MSRB3: variants seen among roughly 807,000 people sequenced by gnomAD.
The protein encoded by MSRB3 is methionine sulfoxide reductase B3.
In MSRB3, 13 loss-of-function variants were observed where a neutral mutation model predicts 21.0. The ratio of observed to expected loss-of-function variants is 0.62; its 90% CI spans 0.40 to 0.98. The LOEUF is 0.98. MSRB3 is among the 50% of genes least tolerant of loss of function. The pLI, the probability that MSRB3 is intolerant of heterozygous loss-of-function variation, is 0.00. For synonymous variants in MSRB3, 87 were observed against 88.6 expected (o/e 0.98, Z 0.10); for missense variants, 199 against 230.3 (o/e 0.86, Z 0.88).
intron 1 of MSRB3, among the ~76,000 whole-genome samples, chr12:65,302,016 ATTAT>A (rs991854000): frequency 4.0e-4 from 61 of 152,230 alleles, no homozygotes; most frequent in African/African-American, 1.3e-3. Context: ...ATTTTTATAA[ATTAT>A]TTAAGCTTTC....
intron 2 of MSRB3, among the ~76,000 whole-genome samples, chr12:65,321,539 T>C (rs1229568616): frequency 2.0e-5 from 3 of 152,174 alleles, no homozygotes; most frequent in Non-Finnish European, 4.4e-5. Context: ...ATATGTCTAC[T>C]TTGAGAGAAA....
intron 6 of MSRB3, chr12:65,454,072 C>T: frequency 9.5e-6 from 6 of 630,078 alleles, no homozygotes; most frequent in Non-Finnish European, 1.7e-5. Context: ...TCACTTGAGG[C>T]CAGAAGTTCA....
At chr12:65,384,924 A>G (rs1879132683) in intron 5 of MSRB3, among the ~76,000 whole-genome samples, 1 of 152,170 alleles carries the variant, frequency 6.6e-6, no homozygotes, top group Non-Finnish European at 1.5e-5. Context: ...AAGTGCATAA[A>G]TAGGTGGCAT....
intron 1 of MSRB3, chr12:65,279,175 C>A: frequency 2.3e-6 from 2 of 871,522 alleles, no homozygotes; most frequent in Non-Finnish European, 3.1e-6. Context: ...GAGCCTCTCG[C>A]CCCGCGCGGG....
At chr12:65,375,143 C>T (rs1878539577) in intron 5 of MSRB3, among the ~76,000 whole-genome samples, 2 of 152,112 alleles carry the variant, frequency 1.3e-5, no homozygotes, top group African/African-American at 4.8e-5. Flanking sequence ...CCGCGCCCGG[C>T]CTATATCAAT....
At chr12:65,312,730 A>G (rs911028761) in intron 2 of MSRB3, among the ~76,000 whole-genome samples, 2 of 152,098 alleles carry the variant, frequency 1.3e-5, no homozygotes, top group African/African-American at 2.4e-5. Flanking sequence ...GTCATTGATT[A>G]TCATCTGTAT....
intron 5 of MSRB3, among the ~76,000 whole-genome samples, chr12:65,406,219 C>T (rs538878126): frequency 2.6e-5 from 4 of 152,172 alleles, no homozygotes; most frequent in Non-Finnish European, 5.9e-5. Context: ...ACATTTAAGT[C>T]TTTAATCCAG....
At position 65,453,791 on chromosome 12, in the gene MSRB3, A is replaced by G. The variant is rs369942269; in HGVS notation, c.356A>G (p.Tyr119Cys). ...ATCACATTCACAGATGACTTTTCCT[A>G]TGGGATGCACAGGGTGGAAACAAGC... ...EAITFTDDFS[Y>C]GMHRVETSCS... Residue 119 changes from tyrosine (Y) to cysteine (C), a missense_variant, in exon 6 of 7, where the codon TAT becomes TGT. Coordinates refer to ENST00000308259, the MANE Select transcript of MSRB3 (RefSeq NM_001031679.3). The G allele has an allele frequency of 3.3e-5, 54 of 1,613,882 alleles. No individual in the cohort carries two copies. The highest frequency in any genetic ancestry group is 3.3e-4 in the Middle Eastern group (2 of 6,084).
intron 5 of MSRB3, among the ~76,000 whole-genome samples, chr12:65,417,791 A>G (rs901412714): frequency 4.6e-5 from 7 of 152,158 alleles, no homozygotes; most frequent in Non-Finnish European, 8.8e-5. Context: ...AGGTTCTTCT[A>G]AGTTGTTCAA....
intron 5 of MSRB3, among the ~76,000 whole-genome samples, chr12:65,412,448 A>T (rs1480724181): frequency 6.6e-6 from 1 of 152,198 alleles, no homozygotes. Flanking sequence ...ATCATAGTTA[A>T]GTTGGGCTCA....
At chr12:65,405,513 C>T (rs1341322551) in intron 5 of MSRB3, among the ~76,000 whole-genome samples, 1 of 151,536 alleles carries the variant, frequency 6.6e-6, no homozygotes, top group Non-Finnish European at 1.5e-5. Flanking sequence ...AATTCCATTC[C>T]ATATCTTGGC....
chr12:65,435,739 G>A (rs962070964), intron 5 of MSRB3, among the ~76,000 whole-genome samples: 2 of 151,848 alleles, frequency 1.3e-5, no homozygotes, highest in Non-Finnish European at 1.5e-5. Flanking sequence ...ACTCTGAAAG[G>A]TAAAGGTCTT....
chr12:65,442,851 A>G (rs1285266227), intron 5 of MSRB3, among the ~76,000 whole-genome samples: 1 of 152,082 alleles, frequency 6.6e-6, no homozygotes, highest in Non-Finnish European at 1.5e-5. Context: ...AAGGTCTACA[A>G]CTGACTTCTG....
chr12:65,403,631 T>C (rs1880251403), intron 5 of MSRB3, among the ~76,000 whole-genome samples: 1 of 152,122 alleles, frequency 6.6e-6, no homozygotes, highest in Admixed American at 6.5e-5. Flanking sequence ...GTCTCATTCT[T>C]GTTCTGGGTG....
intron 4 of MSRB3, among the ~76,000 whole-genome samples, chr12:65,345,639 G>T (rs2136481480): frequency 6.6e-6 from 1 of 152,236 alleles, no homozygotes; most frequent in South Asian, 2.1e-4. Flanking sequence ...GTGCAGGTTT[G>T]TTACATATGT....
intron 5 of MSRB3, among the ~76,000 whole-genome samples, chr12:65,394,136 T>C (rs935050490): frequency 6.6e-6 from 1 of 152,190 alleles, no homozygotes; most frequent in African/African-American, 2.4e-5. Flanking sequence ...ATATATGAAT[T>C]AGATGCTTCT....
At chr12:65,453,236 T>C (rs1353519328) in intron 5 of MSRB3, among the ~76,000 whole-genome samples, 3 of 152,130 alleles carry the variant, frequency 2.0e-5, no homozygotes, top group African/African-American at 7.2e-5. Flanking sequence ...GACAACAGGA[T>C]AGTCGTTTTG....
intron 5 of MSRB3, among the ~76,000 whole-genome samples, chr12:65,396,704 A>AAAG (rs1555209338): frequency 5.5e-5 from 3 of 54,146 alleles, no homozygotes; most frequent in South Asian, 1.6e-3. Context: ...AAAAAAAAAA[A>AAAG]AAAGAAAGAA....
At chr12:65,344,875 A>G (rs1455265642) in intron 4 of MSRB3, among the ~76,000 whole-genome samples, 2 of 152,050 alleles carry the variant, frequency 1.3e-5, no homozygotes, top group African/African-American at 2.4e-5. Context: ...TTAGAACCAT[A>G]CATTCCAAGT....
Sources: allele counts gnomAD v4.1 joint callset (sites outside exome capture counted in the v4.1 genomes callset), GRCh38; gene constraint gnomAD v4.1.1; transcripts MANE v1.5; gene names NCBI Gene and HGNC (gene_info 2026-07-23, HGNC 2026-07-21).